The following SLC9B1 variants were observed in gnomAD, a reference collection of about 807,000 sequenced individuals.
The protein encoded by SLC9B1 is sodium/hydrogen exchanger 9B1.
A neutral mutation model predicts 51.7 loss-of-function variants in SLC9B1; 32 were observed. The observed-to-expected ratio is 0.62, with a 90% confidence interval of 0.47 to 0.83. The LOEUF is 0.83. Among genes scored for constraint, SLC9B1 ranks in the 40% least tolerant of loss-of-function variants. The pLI is 0.00. For missense variants in SLC9B1, 406 were observed against 613.2 expected, an observed-to-expected ratio of 0.66 and a Z score of 3.57; for synonymous variants, 145 against 212.7, an observed-to-expected ratio of 0.68 and a Z score of 2.77.
intron 1 of SLC9B1, among the ~76,000 whole-genome samples, chr4:103,007,268 G>A (rs1410021938): frequency 1.3e-5 from 2 of 152,070 alleles, no homozygotes; most frequent in East Asian, 3.8e-4. Flanking sequence ...AAAAACTACA[G>A]AAAATTTTCA....
At chr4:102,991,511 AT>A in intron 2 of SLC9B1, 131 bp downstream of exon 2, 2 of 550,312 alleles carry the variant, frequency 3.6e-6, no homozygotes, top group Non-Finnish European at 6.0e-6. Flanking sequence ...ACAACTAGCT[AT>A]TTTAAAATTT....
At chr4:102,997,143 C>G (rs2110525354) in intron 1 of SLC9B1, among the ~76,000 whole-genome samples, 1 of 152,132 alleles carries the variant, frequency 6.6e-6, no homozygotes, top group Non-Finnish European at 1.5e-5. Flanking sequence ...TTTTGTTGTT[C>G]TTCAGAATTG....
At chr4:102,996,434 A>C (rs1015295990) in intron 1 of SLC9B1, among the ~76,000 whole-genome samples, 6 of 152,118 alleles carry the variant, frequency 3.9e-5, no homozygotes, top group African/African-American at 1.4e-4. Context: ...TTTGTTGTTT[A>C]AGAAATCTTT....
Position 102,954,634 on chromosome 4 carries a change from C to G in SLC9B1, c.212-5207G>C, listed in dbSNP as rs1737687661. 2.0e-5 allele frequency among the ~76,000 whole-genome samples: 3 copies of G among 152,136 alleles called. No homozygotes were observed. In the South Asian group the frequency reaches 6.2e-4, roughly 32 times the overall value. ...GAATTCTGTAGCCAGTTAACTGTCA[C>G]TCAAACAAAAGACAAATGAAAGATA... is the stretch of plus-strand genomic sequence containing the variant. On this transcript the variant is annotated intron_variant, in intron 3 of 11. Coordinates refer to ENST00000296422, the MANE Select transcript of SLC9B1 (RefSeq NM_139173.4).
intron 3 of SLC9B1, among the ~76,000 whole-genome samples, chr4:102,956,762 TATA>T (rs1158381955): frequency 6.6e-6 from 1 of 152,206 alleles, no homozygotes; most frequent in African/African-American, 2.4e-5. Context: ...CCAGATTTGC[TATA>T]ATGTGTAATT....
Position 102,910,574 on chromosome 4 carries a change from C to T in SLC9B1, c.951G>A (p.Leu317=), listed in dbSNP as rs1235350056. The T allele has an allele frequency of 5.5e-6, 8 of 1,459,106 alleles. No individual in the cohort carries two copies. Among genetic ancestry groups the T allele is most frequent in the Non-Finnish European group, 6.3e-6 (7 of 1,107,822 alleles). The allele number at this position is 1,459,106 out of a possible 1,614,324, so 90.4% of individuals were successfully genotyped here. A position where few individuals can be genotyped will look rare whatever the true frequency, so the allele number is the denominator to read the frequency against. ...TAGTCAAAACAAGGAATCCTCTCTT[C>T]AATGTAAGTTTTTTCTAGAATTAGA... ...FPSEDQKKLT[L]KRGFLVLTMC... is the part of the protein sequence containing the mutation. Residue 317 remains leucine, a synonymous_variant, in exon 9 of 12, where the codon TTG becomes TTA. Coordinates refer to ENST00000296422, the MANE Select transcript of SLC9B1 (RefSeq NM_139173.4).
At chr4:102,973,805 T>C (rs530465908) in intron 3 of SLC9B1, among the ~76,000 whole-genome samples, 1 of 152,290 alleles carries the variant, frequency 6.6e-6, no homozygotes. Flanking sequence ...TCAGAAGATA[T>C]TTGGAAGTGA....
At chr4:102,979,720 A>G (rs1299176074) in intron 3 of SLC9B1, among the ~76,000 whole-genome samples, 2 of 152,140 alleles carry the variant, frequency 1.3e-5, no homozygotes, top group Non-Finnish European at 2.9e-5. Flanking sequence ...TGTATTTTTA[A>G]TAGGCTTTAT....
At position 102,999,826 on chromosome 4, in the gene SLC9B1, A is replaced by T. The variant is rs934906218; in HGVS notation, c.-1-8114T>A. Among the ~76,000 whole-genome samples the T allele has an allele frequency of 4.4e-4, 67 of 152,148 alleles. 1 individual carries two copies. Among genetic ancestry groups the T allele is most frequent in the Admixed American group, 4.4e-3 (67 of 15,268 alleles). On this transcript the variant is annotated intron_variant, in intron 1 of 11. Transcript: ENST00000296422. The stretch of plus-strand genomic sequence containing the variant: ...TTCCTCCCATATCAGGCATTGTATT[A>T]TTCTGTTTTCACACTTGTTCTATAA...
chr4:102,937,261 C>A (rs1736765825), intron 6 of SLC9B1, among the ~76,000 whole-genome samples: 1 of 150,362 alleles, frequency 6.7e-6, no homozygotes, highest in Non-Finnish European at 1.5e-5. Context: ...CACCACAACA[C>A]CTGGCAATTT....
chr4:102,912,493 A>G (rs1386405431), intron 7 of SLC9B1, among the ~76,000 whole-genome samples: 3 of 152,170 alleles, frequency 2.0e-5, no homozygotes, highest in African/African-American at 7.2e-5. Context: ...AACAAAAAAT[A>G]AAAAAACAAA....
chr4:102,957,390 T>C (rs1737864816), intron 3 of SLC9B1, among the ~76,000 whole-genome samples: 1 of 151,942 alleles, frequency 6.6e-6, no homozygotes, highest in Non-Finnish European at 1.5e-5. Context: ...GTCAAATTGG[T>C]GAAAACCAAG....
At chr4:102,899,323 ATCTC>A (rs1336068419), downstream of SLC9B1, among the ~76,000 whole-genome samples, 6 of 150,880 alleles carry the variant, frequency 4.0e-5, no homozygotes, top group East Asian at 1.9e-4. Context: ...AAAATTATTT[ATCTC>A]TCTTTTATTA....
At chr4:102,977,715 C>G (rs542075800) in intron 3 of SLC9B1, among the ~76,000 whole-genome samples, 42 of 152,248 alleles carry the variant, frequency 2.8e-4, no homozygotes, top group Non-Finnish European at 5.6e-4. Flanking sequence ...AGAGCCCCAG[C>G]TGGGTGCAGT....
At chr4:102,985,293 T>G (rs1739556085) in intron 3 of SLC9B1, among the ~76,000 whole-genome samples, 2 of 152,222 alleles carry the variant, frequency 1.3e-5, no homozygotes, top group Non-Finnish European at 2.9e-5. Flanking sequence ...ACCATTGACA[T>G]TTAAAGTGAT....
chr4:102,907,582 A>G (rs1182588156), intron 9 of SLC9B1, among the ~76,000 whole-genome samples: 3 of 152,358 alleles, frequency 2.0e-5, no homozygotes, highest in East Asian at 1.9e-4. Flanking sequence ...TACTTCCCCA[A>G]TTAAAACGTT....
intron 1 of SLC9B1, among the ~76,000 whole-genome samples, chr4:102,999,355 C>T (rs954880747): frequency 4.6e-5 from 7 of 152,114 alleles, no homozygotes; most frequent in African/African-American, 1.2e-4. Context: ...GCATCATAGC[C>T]GAGAAGTAAA....
At chr4:102,902,307 G>A (rs1250860629) in intron 11 of SLC9B1, among the ~76,000 whole-genome samples, 3 of 152,008 alleles carry the variant, frequency 2.0e-5, no homozygotes, top group Admixed American at 1.3e-4. Context: ...CCTCTGATAT[G>A]GAACATTATG....
chr4:102,962,819 G>A, intron 3 of SLC9B1: 1 of 474,530 alleles, frequency 2.1e-6, no homozygotes, highest in East Asian at 6.9e-5. Flanking sequence ...TAAGCATGAT[G>A]TGGATTCCTG....
Sources: gnomAD v4.1 joint callset for allele counts (sites outside exome capture counted in the v4.1 genomes callset) on GRCh38, gnomAD v4.1.1 for gene constraint, MANE v1.5 for transcripts, NCBI Gene and HGNC (gene_info 2026-07-23, HGNC 2026-07-21) for gene names.